The following CSMD1 variants were observed in gnomAD, a reference collection of about 807,000 sequenced individuals.
CSMD1 encodes the protein CUB and Sushi multiple domains 1.
In CSMD1, 213 loss-of-function variants were observed where a neutral mutation model predicts 417.5. The observed-to-expected ratio is 0.51, with a 90% CI of 0.46 to 0.57. The LOEUF (loss-of-function observed/expected upper bound fraction) is 0.57. Ranked by LOEUF, CSMD1 falls within the 20% of genes least tolerant of loss-of-function variation. CSMD1 has a pLI of 0.00. For synonymous variants in CSMD1, 2,862 were observed against 1,736.8 expected (o/e 1.65, Z -16.11); for missense variants, 6,923 against 4,529.7 (o/e 1.53, Z -15.17).
chr8:3,294,541 C>G (rs989963869), intron 25 of CSMD1, among the ~76,000 whole-genome samples: 4 of 140,638 alleles, frequency 2.8e-5, no homozygotes, highest in Non-Finnish European at 4.8e-5. Context: ...CTCCCCCAGC[C>G]TCGCTGCAGC....
intron 52 of CSMD1, among the ~76,000 whole-genome samples, chr8:3,006,476 G>A (rs1473629378): frequency 6.6e-6 from 1 of 152,046 alleles, no homozygotes. Flanking sequence ...TCAATCCTAA[G>A]CCAAAAGAAC....
intron 50 of CSMD1, among the ~76,000 whole-genome samples, chr8:3,049,791 T>C (rs1389450537): frequency 6.6e-6 from 1 of 152,130 alleles, no homozygotes; most frequent in African/African-American, 2.4e-5. Flanking sequence ...TATGTCAATG[T>C]AGGTGCATCC....
chr8:3,788,607 A>G (rs1799569363), intron 5 of CSMD1, among the ~76,000 whole-genome samples: 1 of 152,236 alleles, frequency 6.6e-6, no homozygotes, highest in Non-Finnish European at 1.5e-5. Flanking sequence ...ATAGGATTGT[A>G]AAGATTTAGT....
In CSMD1 at chr8:3,498,097, T is replaced by C. The variant is rs192219458; in HGVS notation, c.1345-4371A>G. Among the ~76,000 whole-genome samples the C allele has an allele frequency of 2.6e-4, 40 of 152,312 alleles. No homozygotes were observed. The East Asian group carries it at 7.5e-3, about 29-fold the overall frequency. On this transcript the variant is annotated intron_variant, in intron 10 of 69. Transcript: ENST00000635120. The stretch of plus-strand genomic sequence containing the variant: ...TTCTTGGCTGACATTTCTTCTTCTT[T>C]TTTCTTTCAGCATTTTCATTATATC...
At chr8:3,570,585 A>C (rs1426188357) in intron 10 of CSMD1, among the ~76,000 whole-genome samples, 1 of 152,050 alleles carries the variant, frequency 6.6e-6, no homozygotes, top group Non-Finnish European at 1.5e-5. Context: ...AATGTCAAAC[A>C]CCTGAGCTGC....
At chr8:4,328,186 A>G (rs931905626) in intron 3 of CSMD1, among the ~76,000 whole-genome samples, 14 of 152,054 alleles carry the variant, frequency 9.2e-5, no homozygotes, top group Non-Finnish European at 1.5e-4. Context: ...TAAGACAGTA[A>G]GTAAGCTTGT....
intron 1 of CSMD1, among the ~76,000 whole-genome samples, chr8:4,643,431 T>C (rs1200212585): frequency 6.6e-6 from 1 of 152,212 alleles, no homozygotes; most frequent in Non-Finnish European, 1.5e-5. Flanking sequence ...CAATTTCTAT[T>C]GTATACCTGT....
chr8:3,628,239 C>T (rs573312101), intron 7 of CSMD1, among the ~76,000 whole-genome samples: 57 of 152,280 alleles, frequency 3.7e-4, no homozygotes, highest in African/African-American at 1.3e-3. Flanking sequence ...TAATGCTCTA[C>T]AATGAGAATA....
intron 10 of CSMD1, among the ~76,000 whole-genome samples, chr8:3,535,408 C>T (rs1175685597): frequency 6.6e-6 from 1 of 152,122 alleles, no homozygotes; most frequent in Non-Finnish European, 1.5e-5. Flanking sequence ...ACACCTGCAG[C>T]CTGACCTCAA....
intron 12 of CSMD1, among the ~76,000 whole-genome samples, chr8:3,440,278 G>A (rs1814886786): frequency 6.6e-6 from 1 of 152,106 alleles, no homozygotes; most frequent in South Asian, 2.1e-4. Flanking sequence ...CCCAATACAT[G>A]AACATACTAT....
At chr8:3,931,531 T>G (rs1810137747) in intron 5 of CSMD1, among the ~76,000 whole-genome samples, 1 of 150,222 alleles carries the variant, frequency 6.7e-6, no homozygotes, top group African/African-American at 2.5e-5. Flanking sequence ...TGAATTACAG[T>G]AAATTTGTTT....
chr8:3,055,830 G>C (rs1223727071), intron 49 of CSMD1, among the ~76,000 whole-genome samples: 1 of 152,124 alleles, frequency 6.6e-6, no homozygotes, highest in Non-Finnish European at 1.5e-5. Flanking sequence ...GTCAGTTCTT[G>C]CTGTACCTCT....
intron 3 of CSMD1, among the ~76,000 whole-genome samples, chr8:4,375,541 T>G (rs1802679172): frequency 6.6e-6 from 1 of 152,116 alleles, no homozygotes; most frequent in Non-Finnish European, 1.5e-5. Flanking sequence ...CCTTAACATT[T>G]TAGCCCACTT....
At position 4,753,345 on chromosome 8, in the gene CSMD1, T is replaced by A. The variant is rs114072672; in HGVS notation, c.86-115787A>T. ...ATAAAAGGGGCTAGCACTGTCTGCT[T>A]TCATTTTGTCGATATTGTAAGGTCT... is the stretch of plus-strand genomic sequence containing the variant. On this transcript the variant is annotated intron_variant, in intron 1 of 69. Coordinates refer to ENST00000635120, the MANE Select transcript of CSMD1 (RefSeq NM_033225.6). Among the ~76,000 whole-genome samples, 533 of 151,980 alleles carry A rather than the reference T, an allele frequency of 3.5e-3. 2 individuals carry two copies. The highest frequency in any genetic ancestry group is 0.012 in the African/African-American group (511 of 41,432).
chr8:3,302,853 T>C (rs1193469267), intron 25 of CSMD1, among the ~76,000 whole-genome samples: 1 of 152,166 alleles, frequency 6.6e-6, no homozygotes, highest in African/African-American at 2.4e-5. Flanking sequence ...AACTAATCTG[T>C]GGCAACTGAA....
At chr8:4,463,907 A>G (rs1313499493) in intron 2 of CSMD1, among the ~76,000 whole-genome samples, 1 of 152,188 alleles carries the variant, frequency 6.6e-6, no homozygotes, top group African/African-American at 2.4e-5. Flanking sequence ...TCATTTCAAT[A>G]TAGCTCTGAT....
At chr8:4,001,779 A>G (rs546713194) in intron 4 of CSMD1, among the ~76,000 whole-genome samples, 13 of 152,326 alleles carry the variant, frequency 8.5e-5, no homozygotes, top group African/African-American at 3.1e-4. Context: ...ACTGACTGCA[A>G]CAGACAAGTG....
chr8:4,828,505 A>G (rs1799958637), intron 1 of CSMD1, among the ~76,000 whole-genome samples: 1 of 152,042 alleles, frequency 6.6e-6, no homozygotes, highest in South Asian at 2.1e-4. Flanking sequence ...TAAGATCCGA[A>G]AGCACCTATT....
chr8:3,057,626 C>T (rs10503187), intron 49 of CSMD1, among the ~76,000 whole-genome samples: 22,194 of 152,054 alleles, frequency 0.15, 1,928 homozygotes, highest in African/African-American at 0.24. Context: ...TAGATACAAA[C>T]GTTATTCGAC....
Sources: allele counts gnomAD v4.1 joint callset (sites outside exome capture counted in the v4.1 genomes callset), GRCh38; gene constraint gnomAD v4.1.1; transcripts MANE v1.5; gene names NCBI Gene and HGNC (gene_info 2026-07-23, HGNC 2026-07-21).